Variants in PXDN observed in about 807,000 individuals in gnomAD.
PXDN encodes peroxidasin, also known as peroxidasin homolog.
In PXDN, 77 loss-of-function variants were observed where a neutral mutation model predicts 140.3. That is an observed-to-expected ratio of 0.55 (90% confidence interval 0.46 to 0.66). The LOEUF (loss-of-function observed/expected upper bound fraction) is 0.66. PXDN is among the 30% of genes least tolerant of loss of function. The pLI is 0.00. For missense variants in PXDN, 1,838 were observed against 2,039.5 expected (o/e 0.90, Z 1.90); for synonymous variants, 911 against 857.4 (o/e 1.06, Z -1.09).
rs771812976 is a variant in PXDN at position 1,683,268 on chromosome 2, A to T, written c.560+388T>A. Among the ~76,000 whole-genome samples, 130 of 151,120 alleles carry T rather than the reference A, an allele frequency of 8.6e-4. 3 individuals are homozygous for T. The highest frequency in any genetic ancestry group is 1.8e-4 in the Non-Finnish European group (12 of 67,792). On this transcript the variant is annotated intron_variant, in intron 6 of 22. Coordinates refer to ENST00000252804, the MANE Select transcript of PXDN (RefSeq NM_012293.3). ...AAAAAAAAAAACCCACAAAATTACA[A>T]AACTTAGCTGGGCATGGTGGCATGT...
intron 3 of PXDN, among the ~76,000 whole-genome samples, chr2:1,691,585 C>T (rs113216777): frequency 3.2e-4 from 49 of 152,270 alleles, no homozygotes; most frequent in African/African-American, 1.1e-3. Flanking sequence ...GCAACACACC[C>T]GTCAGCTGTT....
chr2:1,674,482 C>G (rs1683649950), intron 8 of PXDN, among the ~76,000 whole-genome samples: 1 of 152,232 alleles, frequency 6.6e-6, no homozygotes, highest in South Asian at 2.1e-4. Context: ...GGTGACCCCA[C>G]CTTTGCATGG....
intron 1 of PXDN, among the ~76,000 whole-genome samples, chr2:1,697,189 T>C (rs768853963): frequency 6.6e-6 from 1 of 152,214 alleles, no homozygotes; most frequent in Non-Finnish European, 1.5e-5. Flanking sequence ...GAAGTCATTG[T>C]TCTTCGGGAA....
At chr2:1,681,523 G>C (rs1004310720) in intron 6 of PXDN, among the ~76,000 whole-genome samples, 10 of 150,968 alleles carry the variant, frequency 6.6e-5, no homozygotes, top group African/African-American at 2.4e-4. Flanking sequence ...TCACCAGGGC[G>C]GCAGCGTGAG....
intron 1 of PXDN, among the ~76,000 whole-genome samples, chr2:1,720,169 T>G (rs1386609071): frequency 1.1e-4 from 3 of 27,164 alleles, no homozygotes; most frequent in East Asian, 6.8e-3. Flanking sequence ...GAGGGAGGGA[T>G]GCAGAGAGAG....
intron 8 of PXDN, among the ~76,000 whole-genome samples, chr2:1,674,354 T>C (rs1221026374): frequency 2.0e-5 from 3 of 152,174 alleles, no homozygotes; most frequent in Non-Finnish European, 4.4e-5. Context: ...GGATTGCAGG[T>C]GTGCGCCAGA....
At chr2:1,693,163 C>A (rs373838586) in intron 1 of PXDN, 29 bp from the exon 2 acceptor site, 3 of 1,490,384 alleles carry the variant, frequency 2.0e-6, no homozygotes, top group African/African-American at 2.8e-5. Context: ...GGTATTATTA[C>A]GTGAAAAAAA....
intron 9 of PXDN, among the ~76,000 whole-genome samples, chr2:1,673,002 G>A (rs1218762853): frequency 6.6e-6 from 1 of 152,146 alleles, no homozygotes; most frequent in South Asian, 2.1e-4. Flanking sequence ...CAGAGCCATG[G>A]TGGGTACACC....
rs1204570226 is a variant in PXDN at position 1,660,021 on chromosome 2, T to C, written c.1837+860A>G. 1.2e-4 allele frequency among the ~76,000 whole-genome samples: 18 copies of C among 152,106 alleles called. No homozygotes were observed. The highest frequency in any genetic ancestry group is 1.1e-3 in the Admixed American group (17 of 15,266). On this transcript the variant is annotated intron_variant, in intron 14 of 22. Coordinates refer to ENST00000252804, the MANE Select transcript of PXDN (RefSeq NM_012293.3). The surrounding 1 kb of genome is among the most constrained non-coding windows in gnomAD (Gnocchi z 4.6). ...AGTGGGGTGATGGCCAGAGGGTCCT[T>C]TACCCCGTGAAGGGGGGTTTGTGCG...
chr2:1,673,287 C>G (rs1683618683), intron 9 of PXDN, among the ~76,000 whole-genome samples: 1 of 152,122 alleles, frequency 6.6e-6, no homozygotes, highest in Admixed American at 6.5e-5. Flanking sequence ...TACCACATGG[C>G]AACAGCTGGC....
At chr2:1,735,360 C>T (rs546157550) in intron 1 of PXDN, among the ~76,000 whole-genome samples, 5 of 152,248 alleles carry the variant, frequency 3.3e-5, no homozygotes, top group Admixed American at 2.6e-4. Flanking sequence ...TCAGAGAAAT[C>T]GCTATCTATA....
At chr2:1,683,542 T>TCTTGTCTGAGC in intron 6 of PXDN, 114 bp downstream of exon 6, 2 of 928,454 alleles carry the variant, frequency 2.2e-6, no homozygotes, top group Non-Finnish European at 3.2e-6. Flanking sequence ...TCTCATTCTT[T>TCTTGTCTGAGC]CAGAATCAGA....
intron 1 of PXDN, among the ~76,000 whole-genome samples, chr2:1,710,595 C>T (rs372494476): frequency 2.8e-5 from 3 of 107,708 alleles, no homozygotes; most frequent in Non-Finnish European, 6.6e-5. Flanking sequence ...CCCTCTCCAC[C>T]AGCACCCACT....
In PXDN at chr2:1,744,491, G is replaced by T; in HGVS notation, c.-36C>A. 7.3e-7 allele frequency: 1 copy of T among 1,373,468 alleles called. No individual in the cohort carries two copies. The highest frequency in any genetic ancestry group is 9.3e-7 in the Non-Finnish European group (1 of 1,073,428). 85.1% of individuals were successfully genotyped at this position (1,373,468 alleles called of 1,614,324 possible). A position where few individuals can be genotyped will look rare whatever the true frequency, so the allele number is the denominator to read the frequency against. On this transcript the variant is annotated 5_prime_UTR_variant, in exon 1 of 23. Coordinates refer to ENST00000252804, the MANE Select transcript of PXDN (RefSeq NM_012293.3). Reference sequence around the variant, plus strand: ...GCGGACGGACGCTCGGACGCACGGAGCCACCACGGCCGGCTCCCGACTGCG... The same window carrying T: ...GCGGACGGACGCTCGGACGCACGGATCCACCACGGCCGGCTCCCGACTGCG...
Position 1,645,572 on chromosome 2 carries a change from T to C in PXDN, c.3609-820A>G, listed in dbSNP as rs574963282. The stretch of plus-strand genomic sequence containing the variant: ...ACTGAACAGGATGCACACAGGGCTG[T>C]GTCCTCACTGGCCATTGGTCTTACC... On this transcript the variant is annotated intron_variant, in intron 17 of 22. Coordinates refer to ENST00000252804, the MANE Select transcript of PXDN (RefSeq NM_012293.3). Among the ~76,000 whole-genome samples the C allele has an allele frequency of 4.1e-3, 620 of 152,360 alleles. 11 individuals carry two copies. Among genetic ancestry groups the C allele is most frequent in the Non-Finnish European group, 3.9e-3 (263 of 68,030 alleles).
At chr2:1,646,904 A>T (rs1682861497) in intron 17 of PXDN, among the ~76,000 whole-genome samples, 1 of 152,116 alleles carries the variant, frequency 6.6e-6, no homozygotes, top group Non-Finnish European at 1.5e-5. Flanking sequence ...ATTTTTATTT[A>T]TTATTATTTG....
chr2:1,693,199 C>T, intron 1 of PXDN, 65 bp from the exon 2 acceptor site: 1 of 1,314,160 alleles, frequency 7.6e-7, no homozygotes, highest in Non-Finnish European at 1.1e-6. Flanking sequence ...TACACATTTG[C>T]TGCTCTTAGT....
At position 1,730,026 on chromosome 2, in the gene PXDN, A is replaced by ATT. The variant is rs11269556; in HGVS notation, c.200+14229_200+14230insAA. On this transcript the variant is annotated intron_variant, in intron 1 of 22. Coordinates refer to ENST00000252804, the MANE Select transcript of PXDN (RefSeq NM_012293.3). ...GTATCATGACCCAATTTTTGAAAAT[A>ATT]GATACATGACAGATAAATATTAACA... 9.3e-3 allele frequency among the ~76,000 whole-genome samples: 1,416 copies of ATT among 152,334 alleles called. 23 individuals carry two copies. The highest frequency in any genetic ancestry group is 0.032 in the African/African-American group (1,327 of 41,560).
Position 1,644,857 on chromosome 2 carries a change from A to G in PXDN, c.3609-105T>C, listed in dbSNP as rs1252363495. 5 of 1,200,004 alleles carry G rather than the reference A, an allele frequency of 4.2e-6. No individual in the cohort carries two copies. In the African/African-American group the frequency reaches 4.7e-5, roughly 11 times the overall value. 74.3% of individuals were successfully genotyped at this position (1,200,004 alleles called of 1,614,324 possible). On this transcript the variant is annotated intron_variant, in intron 17 of 22. Coordinates refer to ENST00000252804, the MANE Select transcript of PXDN (RefSeq NM_012293.3). Reference sequence around the variant, plus strand: ...TTTCTTTCTATCACTATTTTACATTATTTAGAATTTTACTTAACAAAGAAA... The same window carrying G: ...TTTCTTTCTATCACTATTTTACATTGTTTAGAATTTTACTTAACAAAGAAA...
Sources: gnomAD v4.1 joint callset for allele counts (sites outside exome capture counted in the v4.1 genomes callset) on GRCh38, gnomAD v4.1.1 for gene constraint, Gnocchi (gnomAD v3.1) non-coding constraint, MANE v1.5 for transcripts, NCBI Gene and HGNC (gene_info 2026-07-23, HGNC 2026-07-21) for gene names.